The following PITPNM1 variants were observed in gnomAD, a reference collection of about 807,000 sequenced individuals.
PITPNM1 encodes the protein phosphatidylinositol transfer protein membrane associated 1, also known as membrane-associated phosphatidylinositol transfer protein 1.
In PITPNM1, 74 loss-of-function variants were observed where a neutral mutation model predicts 133.3. The ratio of observed to expected loss-of-function variants is 0.56; its 90% CI spans 0.46 to 0.67. PITPNM1 has a LOEUF of 0.67. Ranked by LOEUF, PITPNM1 falls within the 30% of genes least tolerant of loss-of-function variation. The pLI is 0.00. For synonymous variants in PITPNM1, 738 were observed against 741.4 expected, an observed-to-expected ratio of 1.00 and a Z score of 0.08; for missense variants, 1,398 against 1,739.5, an observed-to-expected ratio of 0.80 and a Z score of 3.49.
At position 67,495,117 on chromosome 11, in the gene PITPNM1, T is replaced by G; in HGVS notation, c.2591A>C (p.Tyr864Ser). ...CGCCACCACGTCGGCGGACTCCCAGTAGCTGGCGTGGAAGAGGTGGGGCAG... is the reference window on the plus strand; with the variant it reads ...CGCCACCACGTCGGCGGACTCCCAGGAGCTGGCGTGGAAGAGGTGGGGCAG... ...VTLPHLFHASYWESADVVAFI... is the reference protein window; with the variant it reads ...VTLPHLFHASSWESADVVAFI... Residue 864 changes from tyrosine to serine, a missense_variant, in exon 17 of 24, where the codon TAC becomes TCC. Physicochemically the swap from Tyr to Ser is moderately radical, Grantham distance 144. Coordinates refer to ENST00000356404, the MANE Select transcript of PITPNM1 (RefSeq NM_004910.3). The G allele has an allele frequency of 6.2e-7, 1 of 1,612,832 alleles. No homozygotes were observed. Among genetic ancestry groups the G allele is most frequent in the South Asian group, 1.1e-5 (1 of 91,086 alleles).
chr11:67,492,378 G>A, intron 23 of PITPNM1, 82 bp from the exon 24 acceptor site: 2 of 1,380,468 alleles, frequency 1.4e-6, no homozygotes, highest in South Asian at 1.5e-5. Flanking sequence ...AGAGGCACCT[G>A]AGGCAGGCTG....
Position 67,498,408 on chromosome 11 carries a change from G to A in PITPNM1, c.1485-86C>T. 4 of 1,404,258 alleles carry A rather than the reference G, an allele frequency of 2.8e-6. No homozygotes were observed. Among genetic ancestry groups the A allele is most frequent in the Non-Finnish European group, 3.8e-6 (4 of 1,056,604 alleles). The allele number at this position is 1,404,258 out of a possible 1,614,324, so 87.0% of individuals were successfully genotyped here. The stretch of plus-strand genomic sequence containing the variant: ...TCCCCTGGGCCTGCTGGCAGGCCCT[G>A]GCTCTGTGGGTCCTCTGTGGGGAGC... On this transcript the variant is annotated intron_variant, in intron 10 of 23. Coordinates refer to ENST00000356404, the MANE Select transcript of PITPNM1 (RefSeq NM_004910.3). The surrounding 1 kb of genome is among the most constrained non-coding windows in gnomAD (Gnocchi z 5.7).
At chr11:67,493,891 C>G (rs752519243) in intron 20 of PITPNM1, 31 bp downstream of exon 20, 2 of 1,529,148 alleles carry the variant, frequency 1.3e-6, no homozygotes, top group East Asian at 2.4e-5. Flanking sequence ...TGGCGGAGCC[C>G]TCCCGCAGAG....
chr11:67,500,618 G>A (rs970018146), intron 5 of PITPNM1, among the ~76,000 whole-genome samples, 197 bp from the exon 6 acceptor site: 1 of 152,022 alleles, frequency 6.6e-6, no homozygotes, highest in African/African-American at 2.4e-5. Flanking sequence ...ACTCCCCCCC[G>A]CCCACTGCCT....
upstream of PITPNM1, among the ~76,000 whole-genome samples, chr11:67,506,025 C>T (rs1286758501): frequency 1.3e-5 from 2 of 152,222 alleles, no homozygotes; most frequent in South Asian, 2.1e-4. Flanking sequence ...GGGGCAGTGA[C>T]GGCAGCACCC....
rs569199376 is a variant in PITPNM1 at position 67,496,113 on chromosome 11, T to C, written c.2317+65A>G. On this transcript the variant is annotated intron_variant, in intron 15 of 23. Coordinates refer to ENST00000356404, the MANE Select transcript of PITPNM1 (RefSeq NM_004910.3). Reference sequence around the variant, plus strand: ...CGTCTGGGAGCCTCCTCATGTCTTCTGCTACCTCCTCCCTTCCTGTGTGTG... The same window carrying C: ...CGTCTGGGAGCCTCCTCATGTCTTCCGCTACCTCCTCCCTTCCTGTGTGTG... 3.6e-6 allele frequency: 5 copies of C among 1,391,332 alleles called. No homozygotes were observed. The South Asian group carries it at 8.1e-5, about 23-fold the overall frequency. 86.2% of individuals were successfully genotyped at this position (1,391,332 alleles called of 1,614,324 possible).
chr11:67,494,435 T>A, intron 18 of PITPNM1, 75 bp from the exon 19 acceptor site: 21 of 662,006 alleles, frequency 3.2e-5, no homozygotes, highest in Non-Finnish European at 4.0e-5. Context: ...CGGGTGAGGA[T>A]CCACACGCAA....
rs1470035212 is a variant in PITPNM1 at position 67,496,267 on chromosome 11, A to G, written c.2228T>C (p.Leu743Pro). 1 of 1,561,516 alleles carries G rather than the reference A, an allele frequency of 6.4e-7. No individual in the cohort carries two copies. Among genetic ancestry groups the G allele is most frequent in the Non-Finnish European group, 8.6e-7 (1 of 1,161,398 alleles). ...GATGGCCTGGAACTTCGGGGCCAGC[A>G]GGGGCTCGAGGCGTGAGGCGCAGGG... ...ADPCASRLEP[L>P]LAPKFQAIAP... The change falls in exon 15 of 24, where the codon CTG becomes CCG. Residue 743 changes from leucine to proline, a missense_variant. By Grantham distance (98) the Leu-to-Pro change is moderately conservative (BLOSUM62 -3). This residue lies in a region of PITPNM1 where 574 missense variants were observed against 698.7 expected (regional missense o/e 0.82). Coordinates refer to ENST00000356404, the MANE Select transcript of PITPNM1 (RefSeq NM_004910.3).
chr11:67,494,894 G>A lies in PITPNM1; in HGVS notation c.2694C>T (p.Ala898=). The stretch of plus-strand genomic sequence containing the variant: ...TTCGCTGCCACTTCTCCCTGGGGAA[G>A]GCCGGGCTGTAGATGGACGGCTCCT... ...ECEEPSIYSP[A]FPREKWQRKR... The change falls in exon 18 of 24, where the codon GCC becomes GCT. Residue 898 remains alanine (A), a synonymous_variant. Coordinates refer to ENST00000356404, the MANE Select transcript of PITPNM1 (RefSeq NM_004910.3). The A allele has an allele frequency of 1.2e-6, 2 of 1,613,052 alleles. No homozygotes were observed. The highest frequency in any genetic ancestry group is 1.7e-6 in the Non-Finnish European group (2 of 1,179,838).
At chr11:67,495,342 T>C (rs1043906966) in intron 16 of PITPNM1, 96 bp downstream of exon 16, 1 of 1,462,190 alleles carries the variant, frequency 6.8e-7, no homozygotes, top group African/African-American at 1.4e-5. Flanking sequence ...AAGTCCAGGC[T>C]GTGTGCTGGG....
intron 22 of PITPNM1, 133 bp downstream of exon 22, chr11:67,493,277 A>G: frequency 1.8e-6 from 2 of 1,116,910 alleles, no homozygotes; most frequent in Non-Finnish European, 2.5e-6. Flanking sequence ...GCAGGACCGT[A>G]GCGGGCCGCT....
At chr11:67,501,839 A>AC in intron 5 of PITPNM1, 23 bp downstream of exon 5, 1 of 1,603,732 alleles carries the variant, frequency 6.2e-7, no homozygotes, top group South Asian at 1.1e-5. Flanking sequence ...GGTAAGTGGG[A>AC]CCTCCCGCAG....
upstream of PITPNM1, among the ~76,000 whole-genome samples, chr11:67,505,550 C>T (rs1443873557): frequency 6.6e-6 from 1 of 152,228 alleles, no homozygotes; most frequent in Non-Finnish European, 1.5e-5. This position sits in a 1 kb window ranked among gnomAD's most constrained non-coding sequence, Gnocchi z 5.8. Flanking sequence ...TCTGGCTCTT[C>T]CTAGTCCCTC....
At chr11:67,495,342 T>G in intron 16 of PITPNM1, 96 bp downstream of exon 16, 1 of 1,462,308 alleles carries the variant, frequency 6.8e-7, no homozygotes, top group Non-Finnish European at 9.1e-7. Context: ...AAGTCCAGGC[T>G]GTGTGCTGGG....
rs774498294 is a variant in PITPNM1, at chr11:67,496,309, A to G, written c.2186T>C (p.Leu729Pro). The G allele has an allele frequency of 2.5e-6, 4 of 1,582,692 alleles. No homozygotes were observed. The highest frequency in any genetic ancestry group is 3.4e-6 in the Non-Finnish European group (4 of 1,168,986). The change falls in exon 15 of 24, where the codon CTC (leucine) becomes CCC (proline). Residue 729 changes from leucine to proline, a missense_variant. By Grantham distance (98) the Leu-to-Pro change is moderately conservative. Coordinates refer to ENST00000356404, the MANE Select transcript of PITPNM1 (RefSeq NM_004910.3). ...GGCGCAGGGGTCAGCCGCGTGGAAG[A>G]GGTTGTAGATCTGTTCACAGGCTGG... ...MRPACEQIYN[L>P]FHAADPCASR...
chr11:67,504,970 A>T lies in PITPNM1; in HGVS notation c.-42+218T>A, dbSNP rs1018952259. On this transcript the variant is annotated intron_variant, in intron 1 of 23. Coordinates refer to ENST00000356404, the MANE Select transcript of PITPNM1 (RefSeq NM_004910.3). This position sits in a 1 kb window ranked among gnomAD's most constrained non-coding sequence, Gnocchi z 5.4. Reference sequence around the variant, plus strand: ...TGAGCCCTCCTCAGGCTGAGGCCAGAGTGGCTCCACTTGGTATCCCACGGG... The same window carrying T: ...TGAGCCCTCCTCAGGCTGAGGCCAGTGTGGCTCCACTTGGTATCCCACGGG... The T allele has an allele frequency of 1.3e-5, 2 of 152,302 alleles. No homozygotes were observed. The highest frequency in any genetic ancestry group is 4.8e-5 in the African/African-American group (2 of 41,438). 9.4% of individuals were successfully genotyped at this position (152,302 alleles called of 1,614,324 possible). A position where few individuals can be genotyped will look rare whatever the true frequency, so the allele number is the denominator to read the frequency against.
Position 67,498,924 on chromosome 11 carries a change from G to T in PITPNM1, c.1233+16C>A. The stretch of plus-strand genomic sequence containing the variant: ...AGTAGGGGGAGCTTTGACATGGGGT[G>T]GCTGACCATACTCGCCTCTGAGTCC... On this transcript the variant is annotated intron_variant, in intron 9 of 23. Coordinates refer to ENST00000356404, the MANE Select transcript of PITPNM1 (RefSeq NM_004910.3). This position sits in a 1 kb window ranked among gnomAD's most constrained non-coding sequence, Gnocchi z 5.7. The T allele has an allele frequency of 6.2e-7, 1 of 1,612,298 alleles. No homozygotes were observed. Among genetic ancestry groups the T allele is most frequent in the Non-Finnish European group, 8.5e-7 (1 of 1,179,290 alleles).
Position 67,495,104 on chromosome 11 carries a change from G to T in PITPNM1, c.2604C>A (p.Ala868=). The T allele has an allele frequency of 6.2e-7, 1 of 1,612,818 alleles. No homozygotes were observed. The highest frequency in any genetic ancestry group is 2.2e-5 in the East Asian group (1 of 44,882). ...HLFHASYWES[A]DVVAFILRQV... ...GGCGCAGGATGAACGCCACCACGTC[G>T]GCGGACTCCCAGTAGCTGGCGTGGA... Residue 868 remains alanine (A), a synonymous_variant, in exon 17 of 24, where the codon GCC becomes GCA. Coordinates refer to ENST00000356404, the MANE Select transcript of PITPNM1 (RefSeq NM_004910.3).
At chr11:67,494,534 C>T (rs977167872) in intron 18 of PITPNM1, among the ~76,000 whole-genome samples, 174 bp from the exon 19 acceptor site, 1 of 152,078 alleles carries the variant, frequency 6.6e-6, no homozygotes, top group Non-Finnish European at 1.5e-5. Flanking sequence ...GGCCTGAGAG[C>T]CTGTGTGTGG....
Sources: gnomAD v4.1 joint callset for allele counts (sites outside exome capture counted in the v4.1 genomes callset) on GRCh38, gnomAD v4.1.1 for gene constraint, gnomAD v4.1.1 regional missense constraint, Gnocchi (gnomAD v3.1) non-coding constraint, MANE v1.5 for transcripts, NCBI Gene and HGNC (gene_info 2026-07-23, HGNC 2026-07-21) for gene names.